The following CAMK1D variants were observed in gnomAD, a reference collection of about 807,000 sequenced individuals.
CAMK1D encodes the protein calcium/calmodulin-dependent protein kinase type 1D.
Under a neutral mutation model 47.7 loss-of-function variants are expected in CAMK1D, and 9 were observed. The observed-to-expected ratio is 0.19, with a 90% CI of 0.11 to 0.33. The LOEUF is 0.33. Ranked by LOEUF, CAMK1D falls within the 10% of genes least tolerant of loss-of-function variation. The pLI is 1.00. For missense variants in CAMK1D, 291 were observed against 488.7 expected, an observed-to-expected ratio of 0.60 and a Z score of 3.81; for synonymous variants, 184 against 184.9, an observed-to-expected ratio of 0.99 and a Z score of 0.04.
intron 2 of CAMK1D, among the ~76,000 whole-genome samples, chr10:12,588,818 ATG>A (rs1837902123): frequency 1.3e-5 from 2 of 151,580 alleles, no homozygotes; most frequent in African/African-American, 2.4e-5. Context: ...ACATACACAC[ATG>A]CACATACATA....
At chr10:12,700,829 T>G (rs1178161162) in intron 3 of CAMK1D, among the ~76,000 whole-genome samples, 1 of 152,236 alleles carries the variant, frequency 6.6e-6, no homozygotes. Flanking sequence ...AGTATTGATT[T>G]CTAAGTTTCA....
chr10:12,472,667 A>G (rs927566714), intron 1 of CAMK1D, among the ~76,000 whole-genome samples: 1 of 151,966 alleles, frequency 6.6e-6, no homozygotes, highest in Non-Finnish European at 1.5e-5. Flanking sequence ...GATTACAGGC[A>G]TGCGCCACCC....
At chr10:12,363,837 T>A (rs1334280563) in intron 1 of CAMK1D, among the ~76,000 whole-genome samples, 1 of 152,022 alleles carries the variant, frequency 6.6e-6, no homozygotes, top group East Asian at 1.9e-4. Flanking sequence ...CCTGGCTAAT[T>A]TTTGTTTATT....
At chr10:12,699,781 A>G (rs1409330450) in intron 3 of CAMK1D, among the ~76,000 whole-genome samples, 1 of 151,990 alleles carries the variant, frequency 6.6e-6, no homozygotes, top group Non-Finnish European at 1.5e-5. Flanking sequence ...TCTTTGGGGC[A>G]TTGTCCACAT....
intron 3 of CAMK1D, among the ~76,000 whole-genome samples, chr10:12,736,540 TTG>T (rs1835197133): frequency 6.6e-6 from 1 of 152,250 alleles, no homozygotes; most frequent in South Asian, 2.1e-4. Flanking sequence ...TAAATAAGAT[TTG>T]TGTTTTACAA....
intron 2 of CAMK1D, among the ~76,000 whole-genome samples, chr10:12,596,014 G>C (rs1838137470): frequency 6.6e-6 from 1 of 151,876 alleles, no homozygotes; most frequent in Non-Finnish European, 1.5e-5. Context: ...GAAAGGAGTT[G>C]TTAGGGTTTT....
intron 6 of CAMK1D, among the ~76,000 whole-genome samples, chr10:12,795,876 G>T (rs1838176358): frequency 6.6e-6 from 1 of 152,160 alleles, no homozygotes; most frequent in Admixed American, 6.5e-5. Context: ...AAACATCTTT[G>T]CTCAAATAGC....
intron 1 of CAMK1D, among the ~76,000 whole-genome samples, chr10:12,369,739 G>A (rs1837951226): frequency 6.6e-6 from 1 of 151,924 alleles, no homozygotes; most frequent in Non-Finnish European, 1.5e-5. Flanking sequence ...TGGGTGCGTC[G>A]CTTGGGGTCA....
chr10:12,578,034 A>T (rs1456980313), intron 2 of CAMK1D, among the ~76,000 whole-genome samples: 1 of 152,156 alleles, frequency 6.6e-6, no homozygotes, highest in Non-Finnish European at 1.5e-5. Flanking sequence ...TTACATCCTC[A>T]CAGCAACTCT....
chr10:12,550,680 G>A (rs1836548087), intron 1 of CAMK1D, among the ~76,000 whole-genome samples: 1 of 152,174 alleles, frequency 6.6e-6, no homozygotes. Context: ...TTGGCTTCTG[G>A]CTTGTAGTGT....
chr10:12,365,850 C>A (rs916898285), intron 1 of CAMK1D, among the ~76,000 whole-genome samples: 3 of 151,894 alleles, frequency 2.0e-5, no homozygotes, highest in African/African-American at 7.3e-5. Context: ...GTCAGGAGTT[C>A]GAGACCAGTC....
intron 2 of CAMK1D, among the ~76,000 whole-genome samples, chr10:12,603,379 C>T (rs925938983): frequency 6.6e-6 from 1 of 152,230 alleles, no homozygotes; most frequent in African/African-American, 2.4e-5. Flanking sequence ...TCAACCCCGC[C>T]TCCCACCCTG....
At chr10:12,677,769 G>A (rs1191301543) in intron 3 of CAMK1D, among the ~76,000 whole-genome samples, 1 of 152,128 alleles carries the variant, frequency 6.6e-6, no homozygotes, top group Non-Finnish European at 1.5e-5. Flanking sequence ...AGCTCAGTCT[G>A]TGAGGGTTTG....
intron 3 of CAMK1D, among the ~76,000 whole-genome samples, chr10:12,724,552 C>T (rs1834531335): frequency 6.6e-6 from 1 of 152,210 alleles, no homozygotes; most frequent in Admixed American, 6.5e-5. Context: ...TGGACAAAAG[C>T]AAAACCTTGT....
At chr10:12,584,771 G>T in intron 2 of CAMK1D, among the ~76,000 whole-genome samples, 1 of 152,098 alleles carries the variant, frequency 6.6e-6, no homozygotes, top group Admixed American at 6.5e-5. Context: ...AGTGAGCAAT[G>T]ATCATGCTAC....
At chr10:12,430,734 T>TGTG (rs533929338) in intron 1 of CAMK1D, among the ~76,000 whole-genome samples, 112 of 152,090 alleles carry the variant, frequency 7.4e-4, no homozygotes, top group African/African-American at 2.7e-3. Context: ...GGTGCATACA[T>TGTG]GTGATGATGA....
intron 2 of CAMK1D, among the ~76,000 whole-genome samples, chr10:12,666,300 TCTCCCTG>T (rs1370042903): frequency 6.6e-6 from 1 of 152,134 alleles, no homozygotes; most frequent in East Asian, 1.9e-4. Context: ...TCTCACCAGG[TCTCCCTG>T]CTCCCTGACA....
At chr10:12,699,660 AC>A (rs758725350) in intron 3 of CAMK1D, among the ~76,000 whole-genome samples, 1 of 151,444 alleles carries the variant, frequency 6.6e-6, no homozygotes, top group Non-Finnish European at 1.5e-5. Flanking sequence ...AAAAAAAAAA[AC>A]AAGATGATTT....
At chr10:12,489,604 C>G (rs1025803000) in intron 1 of CAMK1D, among the ~76,000 whole-genome samples, 2 of 152,132 alleles carry the variant, frequency 1.3e-5, no homozygotes, top group Non-Finnish European at 2.9e-5. Context: ...GAGCTTCGCT[C>G]GTTTTCTCCC....
Sources: gnomAD v4.1 joint callset for allele counts (sites outside exome capture counted in the v4.1 genomes callset) on GRCh38, gnomAD v4.1.1 for gene constraint, MANE v1.5 for transcripts, NCBI Gene and HGNC (gene_info 2026-07-23, HGNC 2026-07-21) for gene names.